Variants in OPHN1 observed in about 807,000 individuals in gnomAD.
The protein encoded by OPHN1 is oligophrenin-1.
A neutral mutation model predicts 60.7 loss-of-function variants in OPHN1; 11 were observed. The observed-to-expected ratio is 0.18, with a 90% CI of 0.11 to 0.30. The LOEUF (loss-of-function observed/expected upper bound fraction) is 0.30, where lower values mean the gene tolerates loss of function less well. Ranked by LOEUF, OPHN1 falls within the 10% of genes least tolerant of loss-of-function variation. OPHN1 has a pLI of 1.00. For missense variants in OPHN1, 449 were observed against 611.0 expected (o/e 0.73, Z 2.80); for synonymous variants, 226 against 222.6 (o/e 1.02, Z -0.14).
chrX:68,182,069 T>A (rs770403382), intron 15 of OPHN1, among the ~76,000 whole-genome samples: 1 of 110,385 alleles, frequency 9.1e-6, no homozygotes, highest in Non-Finnish European at 1.9e-5. Flanking sequence ...GGACGACTGG[T>A]GGGTACATAT....
At chrX:68,079,396 A>G (rs1386104190) in intron 19 of OPHN1, among the ~76,000 whole-genome samples, 1 of 111,851 alleles carries the variant, frequency 8.9e-6, no homozygotes, top group African/African-American at 3.3e-5. Context: ...TACAATGATC[A>G]CCACTGGCCT....
At chrX:68,259,208 T>C (rs1030095376) in intron 5 of OPHN1, among the ~76,000 whole-genome samples, 3 of 111,602 alleles carry the variant, frequency 2.7e-5, no homozygotes, top group East Asian at 2.8e-4. Context: ...CCAAACACTT[T>C]GGGAGGCCAA....
At chrX:68,088,223 A>C (rs2077002630) in intron 19 of OPHN1, among the ~76,000 whole-genome samples, 1 of 111,603 alleles carries the variant, frequency 9.0e-6, no homozygotes, top group Non-Finnish European at 1.9e-5. Context: ...CCTAAAAACC[A>C]GTACCTCCTG....
chrX:68,168,627 A>T (rs1293630986), intron 15 of OPHN1, among the ~76,000 whole-genome samples: 1 of 112,469 alleles, frequency 8.9e-6, no homozygotes, highest in Non-Finnish European at 1.9e-5. Context: ...TTCAAAAGCT[A>T]GCAGAAGGCA....
chrX:68,137,548 T>C (rs1186923200), intron 15 of OPHN1, among the ~76,000 whole-genome samples: 1 of 111,611 alleles, frequency 9.0e-6, no homozygotes, highest in Non-Finnish European at 1.9e-5. Flanking sequence ...CCTAAGCACA[T>C]TCCATCTAAA....
chrX:68,108,791 T>G (rs1740498518), intron 18 of OPHN1, among the ~76,000 whole-genome samples: 1 of 111,721 alleles, frequency 9.0e-6, no homozygotes, highest in African/African-American at 3.2e-5. Flanking sequence ...TAAAGTCATT[T>G]GCTTTTATTG....
intron 15 of OPHN1, among the ~76,000 whole-genome samples, chrX:68,127,396 T>TA (rs1433401140): frequency 8.9e-6 from 1 of 111,912 alleles, no homozygotes. Flanking sequence ...TTCTTTTTTT[T>TA]AAAAAAGAAT....
chrX:68,373,409 T>G (rs2078539464), intron 2 of OPHN1, among the ~76,000 whole-genome samples: 6 of 112,089 alleles, frequency 5.4e-5, no homozygotes, highest in Non-Finnish European at 1.1e-4. Context: ...CTTTACCCAT[T>G]TAATCCATCA....
chrX:68,338,261 A>G (rs1373043941), intron 2 of OPHN1, among the ~76,000 whole-genome samples: 2 of 112,241 alleles, frequency 1.8e-5, no homozygotes, highest in Admixed American at 9.6e-5. Flanking sequence ...ACAAACATCT[A>G]TAGAACACTT....
intron 3 of OPHN1, among the ~76,000 whole-genome samples, chrX:68,286,475 C>T (rs1344483812): frequency 9.0e-6 from 1 of 110,798 alleles, no homozygotes; most frequent in Non-Finnish European, 1.9e-5. Context: ...GATTAGATGT[C>T]TCAAGTCTAA....
At chrX:68,307,377 C>T (rs1391901490) in intron 2 of OPHN1, among the ~76,000 whole-genome samples, 3 of 107,888 alleles carry the variant, frequency 2.8e-5, no homozygotes, top group Non-Finnish European at 5.7e-5. Flanking sequence ...TTGCTTGAGC[C>T]CGGGAGGCAG....
At chrX:68,085,820 G>A (rs891433035) in intron 19 of OPHN1, among the ~76,000 whole-genome samples, 47 of 111,885 alleles carry the variant, frequency 4.2e-4, no homozygotes, top group Non-Finnish European at 8.1e-4. Context: ...GGCTTCTTGT[G>A]TATCCATGAA....
intron 2 of OPHN1, among the ~76,000 whole-genome samples, chrX:68,428,841 T>C (rs1312258119): frequency 8.9e-6 from 1 of 112,030 alleles, no homozygotes; most frequent in Non-Finnish European, 1.9e-5. Flanking sequence ...ATGGTATTTT[T>C]ATTTTCCATT....
chrX:68,328,151 C>T (rs868534868), intron 2 of OPHN1, among the ~76,000 whole-genome samples: 4 of 72,661 alleles, frequency 5.5e-5, no homozygotes, highest in African/African-American at 1.2e-4. Context: ...TTTTTTGAGA[C>T]GGAGTCCCGC....
intron 15 of OPHN1, among the ~76,000 whole-genome samples, chrX:68,136,493 C>T (rs1411737614): frequency 6.5e-5 from 7 of 108,427 alleles, no homozygotes; most frequent in African/African-American, 2.4e-4. Flanking sequence ...TTAGTAGAGA[C>T]GGGGTTTCAC....
chrX:68,267,085 T>G (rs1373134033), intron 5 of OPHN1, among the ~76,000 whole-genome samples: 1 of 111,417 alleles, frequency 9.0e-6, no homozygotes, highest in Non-Finnish European at 1.9e-5. Context: ...AATGGGAGAC[T>G]TTAACACTCC....
intron 5 of OPHN1, among the ~76,000 whole-genome samples, chrX:68,258,080 C>G (rs1252085951): frequency 9.1e-6 from 1 of 109,329 alleles, no homozygotes; most frequent in Non-Finnish European, 1.9e-5. Context: ...AAACTAGTGT[C>G]TCTCCGCTCT....
chrX:68,332,579 C>T (rs1569283141), intron 2 of OPHN1, among the ~76,000 whole-genome samples: 2 of 111,716 alleles, frequency 1.8e-5, no homozygotes, highest in Non-Finnish European at 3.8e-5. Flanking sequence ...CCTGTTTAGA[C>T]TTATTAACAT....
At chrX:68,372,627 G>A (rs776284210) in intron 2 of OPHN1, among the ~76,000 whole-genome samples, 2 of 110,920 alleles carry the variant, frequency 1.8e-5, no homozygotes, top group African/African-American at 3.3e-5. Context: ...TTATTATCTT[G>A]GAGATGTACA....
Sources: gnomAD v4.1 joint callset for allele counts (sites outside exome capture counted in the v4.1 genomes callset) on GRCh38, gnomAD v4.1.1 for gene constraint, MANE v1.5 for transcripts, NCBI Gene and HGNC (gene_info 2026-07-23, HGNC 2026-07-21) for gene names.